The following GRIK4 variants were observed in gnomAD, a reference collection of about 807,000 sequenced individuals.
GRIK4 encodes the protein glutamate receptor ionotropic, kainate 4.
In GRIK4, 40 loss-of-function variants were observed where a neutral mutation model predicts 104.9. The ratio of observed to expected loss-of-function variants is 0.38; its 90% CI spans 0.30 to 0.50. GRIK4 has a LOEUF of 0.50. GRIK4 is among the 20% of genes least tolerant of loss of function. The probability of loss-of-function intolerance (pLI) is 0.93; values close to 1 mark genes in which losing one functional copy is unlikely to be tolerated. For synonymous variants in GRIK4, 485 were observed against 524.9 expected (o/e 0.92, Z 1.04); for missense variants, 1,047 against 1,308.1 (o/e 0.80, Z 3.08).
chr11:120,901,121 C>T (rs560205028), intron 12 of GRIK4, among the ~76,000 whole-genome samples: 1 of 152,308 alleles, frequency 6.6e-6, no homozygotes, highest in Admixed American at 6.5e-5. Flanking sequence ...GCCTGTCCCC[C>T]GACCCTCCTG....
At chr11:120,649,161 G>A (rs1949583268) in intron 1 of GRIK4, among the ~76,000 whole-genome samples, 1 of 152,164 alleles carries the variant, frequency 6.6e-6, no homozygotes, top group Admixed American at 6.5e-5. Flanking sequence ...GCAGGACACC[G>A]CTCACGTTGC....
chr11:120,905,460 C>G lies in GRIK4; in HGVS notation c.1443C>G (p.Thr481=). 1 of 1,401,212 alleles carries G rather than the reference C, an allele frequency of 7.1e-7. No individual in the cohort carries two copies. Among genetic ancestry groups the G allele is most frequent in the Non-Finnish European group, 9.6e-7 (1 of 1,045,902 alleles). 86.8% of individuals were successfully genotyped at this position (1,401,212 alleles called of 1,614,324 possible). Residue 481 remains threonine, a synonymous_variant, in exon 13 of 21, where the codon ACC becomes ACG. Transcript: ENST00000527524. This position sits in a 1 kb window ranked among gnomAD's most constrained non-coding sequence, Gnocchi z 5.1. The part of the protein sequence containing the change: ...GVYGVPEANG[T]WTGMVGELIA... ...ACGGCGTTCCCGAGGCCAACGGCAC[C>G]TGGACGGGAATGGTCGGGGAGCTGA...
At chr11:120,912,316 T>C (rs1181660732) in intron 13 of GRIK4, among the ~76,000 whole-genome samples, 2 of 151,812 alleles carry the variant, frequency 1.3e-5, no homozygotes, top group Non-Finnish European at 2.9e-5. Context: ...CAGCAGAGAG[T>C]TGGCTAGAGT....
intron 3 of GRIK4, among the ~76,000 whole-genome samples, chr11:120,666,068 A>G (rs1489376358): frequency 6.6e-6 from 1 of 152,220 alleles, no homozygotes; most frequent in Non-Finnish European, 1.5e-5. Flanking sequence ...GGGTCCCAAA[A>G]GGTGAAAGGA....
At chr11:120,564,330 T>C (rs1226464165) in intron 1 of GRIK4, 1 of 152,126 alleles carries the variant, frequency 6.6e-6, no homozygotes, top group African/African-American at 2.4e-5. Context: ...ATTTGTAAAC[T>C]TATTAGTGTG....
rs1418957677 is a variant in GRIK4 at position 120,555,613 on chromosome 11, A to G, written c.-159+43726A>G. Among the ~76,000 whole-genome samples, 6 of 152,042 alleles carry G rather than the reference A, an allele frequency of 3.9e-5. No individual in the cohort carries two copies. The highest frequency in any genetic ancestry group is 4.1e-4 in the South Asian group (2 of 4,822). On this transcript the variant is annotated intron_variant, in intron 1 of 20. Transcript: ENST00000527524. This position sits in a 1 kb window ranked among gnomAD's most constrained non-coding sequence, Gnocchi z 5.3. ...CCTACCCACTTCTGGGGAGTTTCTT[A>G]TCTGGCAAATGGGACCGAGACACAT...
intron 3 of GRIK4, among the ~76,000 whole-genome samples, chr11:120,748,661 T>TC (rs1403595221): frequency 2.0e-5 from 3 of 152,150 alleles, no homozygotes; most frequent in African/African-American, 7.2e-5. Context: ...GCAAATGGCC[T>TC]CCCCCTATAC....
intron 1 of GRIK4, among the ~76,000 whole-genome samples, chr11:120,577,779 C>T (rs1367099384): frequency 6.6e-6 from 1 of 152,236 alleles, no homozygotes; most frequent in East Asian, 1.9e-4. Flanking sequence ...TGGACAGAGC[C>T]CTTCCCTGCT....
rs1279565445 is a variant in GRIK4, at chr11:120,838,551, A to G, written c.744+1707A>G. Among the ~76,000 whole-genome samples, 7 of 152,232 alleles carry G rather than the reference A, an allele frequency of 4.6e-5. No individual in the cohort carries two copies. The South Asian group carries it at 8.3e-4, about 18-fold the overall frequency. The stretch of plus-strand genomic sequence containing the variant: ...CAAGAGGAAATCATGATGAAAAGTA[A>G]CTGTATAAATGATGCTGGTTGAATA... On this transcript the variant is annotated intron_variant, in intron 8 of 20. Transcript: ENST00000527524.
intron 3 of GRIK4, among the ~76,000 whole-genome samples, chr11:120,697,487 C>T (rs955208303): frequency 5.3e-5 from 8 of 152,108 alleles, no homozygotes; most frequent in African/African-American, 9.7e-5. Context: ...CGGTGGCATG[C>T]GCCTGTAATC....
At chr11:120,780,395 T>C (rs2135472036) in intron 3 of GRIK4, among the ~76,000 whole-genome samples, 1 of 152,372 alleles carries the variant, frequency 6.6e-6, no homozygotes, top group East Asian at 1.9e-4. Context: ...TCTTTGTCTT[T>C]TTGTGTCTGG....
intron 1 of GRIK4, among the ~76,000 whole-genome samples, chr11:120,540,996 G>A (rs567301771): frequency 6.6e-6 from 1 of 152,330 alleles, no homozygotes; most frequent in South Asian, 2.1e-4. Context: ...ACAGCTGTTT[G>A]TCTGCTACAC....
At chr11:120,542,225 T>C (rs923513633) in intron 1 of GRIK4, among the ~76,000 whole-genome samples, 3 of 152,216 alleles carry the variant, frequency 2.0e-5, no homozygotes, top group African/African-American at 7.2e-5. Flanking sequence ...CTTCAATAAA[T>C]GGTGTGGGGA....
intron 6 of GRIK4, among the ~76,000 whole-genome samples, chr11:120,831,331 G>A (rs1266705602): frequency 6.6e-6 from 1 of 152,200 alleles, no homozygotes; most frequent in Non-Finnish European, 1.5e-5. Flanking sequence ...TCCGAGGCTC[G>A]GGCCTGAGCC....
At chr11:120,782,160 T>C (rs956151235) in intron 3 of GRIK4, among the ~76,000 whole-genome samples, 5 of 152,210 alleles carry the variant, frequency 3.3e-5, no homozygotes, top group Admixed American at 1.3e-4. Flanking sequence ...TTTATTTCCT[T>C]ACATGTGTGC....
At chr11:120,735,724 C>T (rs1402171629) in intron 3 of GRIK4, among the ~76,000 whole-genome samples, 3 of 151,760 alleles carry the variant, frequency 2.0e-5, no homozygotes, top group Non-Finnish European at 4.4e-5. Flanking sequence ...ACCTGGTGTT[C>T]TATTCTTCTG....
At chr11:120,563,669 C>G (rs1445078494) in intron 1 of GRIK4, among the ~76,000 whole-genome samples, 1 of 152,162 alleles carries the variant, frequency 6.6e-6, no homozygotes, top group East Asian at 1.9e-4. Flanking sequence ...ACCCCAGGAA[C>G]TTCTGGAGCT....
chr11:120,971,715 G>C (rs1032195837), intron 19 of GRIK4, among the ~76,000 whole-genome samples: 3 of 152,228 alleles, frequency 2.0e-5, no homozygotes, highest in Admixed American at 6.5e-5. Flanking sequence ...AAGCCCGGAA[G>C]AGGAAGTGAT....
At chr11:120,677,763 G>T (rs1236520341) in intron 3 of GRIK4, among the ~76,000 whole-genome samples, 4 of 152,186 alleles carry the variant, frequency 2.6e-5, no homozygotes, top group Non-Finnish European at 5.9e-5. Flanking sequence ...TTCCCTGTTT[G>T]ATATTTCTTT....
Sources: allele counts gnomAD v4.1 joint callset (sites outside exome capture counted in the v4.1 genomes callset), GRCh38; gene constraint gnomAD v4.1.1; non-coding constraint Gnocchi (gnomAD v3.1); transcripts MANE v1.5; gene names NCBI Gene and HGNC (gene_info 2026-07-23, HGNC 2026-07-21).